Variants in COPG2 observed in about 807,000 individuals in gnomAD.
COPG2 encodes the protein coat protein complex I subunit gamma 2.
In COPG2, 37 loss-of-function variants were observed where a neutral mutation model predicts 46.3. The observed-to-expected ratio is 0.80, with a 90% CI of 0.61 to 1.05. The LOEUF is 1.05. Among genes scored for constraint, COPG2 ranks in the 50% least tolerant of loss-of-function variants. COPG2 has a pLI of 0.00. For synonymous variants in COPG2, 159 were observed against 129.7 expected, an observed-to-expected ratio of 1.23 and a Z score of -1.53; for missense variants, 427 against 387.8, an observed-to-expected ratio of 1.10 and a Z score of -0.85.
intron 9 of COPG2, among the ~76,000 whole-genome samples, chr7:130,601,719 C>T (rs1554450340): frequency 6.6e-6 from 1 of 152,012 alleles, no homozygotes; most frequent in Non-Finnish European, 1.5e-5. Context: ...ATGTAGATGA[C>T]AGGTTGATGG....
At chr7:130,507,422 A>T in intron 22 of COPG2, 50 bp from the exon 23 acceptor site, 1 of 778,392 alleles carries the variant, frequency 1.3e-6, no homozygotes, top group Admixed American at 1.7e-5. Flanking sequence ...AAGCACAGGG[A>T]TCTCCCTCTG....
intron 9 of COPG2, among the ~76,000 whole-genome samples, chr7:130,578,163 AC>A (rs1794050017): frequency 6.7e-6 from 1 of 150,020 alleles, no homozygotes; most frequent in Non-Finnish European, 1.5e-5. Context: ...GAACGGGCAG[AC>A]TGCCTCCTCA....
rs1554440028 is a variant in COPG2 at position 130,506,513 on chromosome 7, A to AAAGAT, written c.*158_*162dup. The AAAGAT allele has an allele frequency of 2.1e-6, 1 of 467,892 alleles. No homozygotes were observed. The highest frequency in any genetic ancestry group is 2.0e-5 in the African/African-American group (1 of 49,010). 29.0% of individuals were successfully genotyped at this position (467,892 alleles called of 1,614,324 possible). A position where few individuals can be genotyped will look rare whatever the true frequency, so the allele number is the denominator to read the frequency against. On this transcript the variant is annotated 3_prime_UTR_variant, in exon 24 of 24. Coordinates refer to ENST00000425248, the MANE Select transcript of COPG2 (RefSeq NM_012133.6). ...AAAAAAAAAAAAACAACCCATGCGC[A>AAAGAT]AAGATAGACATTTGCTTGATCTGCT...
chr7:130,652,612 CTTTTTAG>C (rs1554459266), intron 5 of COPG2, among the ~76,000 whole-genome samples: 2 of 152,178 alleles, frequency 1.3e-5, no homozygotes. Flanking sequence ...TTATCTTTTA[CTTTTTAG>C]TTTTATCCAT....
intron 5 of COPG2, among the ~76,000 whole-genome samples, chr7:130,651,894 C>T (rs1314334390): frequency 3.3e-5 from 5 of 152,098 alleles, no homozygotes; most frequent in African/African-American, 1.2e-4. Flanking sequence ...AGATGATCCA[C>T]CTGCGTCGGC....
chr7:130,575,488 CA>C (rs1180134049), intron 9 of COPG2, among the ~76,000 whole-genome samples: 76 of 152,240 alleles, frequency 5.0e-4, no homozygotes, highest in African/African-American at 1.8e-3. Flanking sequence ...CAGTCTTTTT[CA>C]GACAAACAAA....
At chr7:130,645,430 C>G (rs1037228851) in intron 5 of COPG2, 24 of 417,590 alleles carry the variant, frequency 5.7e-5, no homozygotes, top group African/African-American at 4.2e-4. Context: ...GGGTGGAGCC[C>G]ATGGGCGAAG....
intron 5 of COPG2, among the ~76,000 whole-genome samples, chr7:130,621,943 CAAAAAAAAAA>C (rs562107230): frequency 1.0e-4 from 7 of 67,540 alleles, no homozygotes; most frequent in Admixed American, 5.2e-4. Flanking sequence ...GACTCCATCT[CAAAAAAAAAA>C]AAAAAAAAAA....
intron 5 of COPG2, among the ~76,000 whole-genome samples, chr7:130,639,828 G>T (rs1230456374): frequency 1.3e-5 from 2 of 151,972 alleles, no homozygotes; most frequent in African/African-American, 2.4e-5. Flanking sequence ...CCTTTCCCAG[G>T]TCGTCAGCCA....
intron 3 of COPG2, 124 bp downstream of exon 3, chr7:130,666,725 G>A (rs1796085490): frequency 3.3e-6 from 2 of 604,962 alleles, no homozygotes; most frequent in East Asian, 3.1e-5. Context: ...TTAACCAAAC[G>A]TTGTATATGT....
At chr7:130,518,476 A>G (rs1453105996) in intron 20 of COPG2, among the ~76,000 whole-genome samples, 12 of 152,288 alleles carry the variant, frequency 7.9e-5, no homozygotes, top group Middle Eastern at 3.4e-3. Flanking sequence ...TGTATTTGGT[A>G]TGGAGCAGGT....
At chr7:130,666,227 C>CA (rs1796076835) in intron 3 of COPG2, among the ~76,000 whole-genome samples, 1 of 152,150 alleles carries the variant, frequency 6.6e-6, no homozygotes, top group Admixed American at 6.5e-5. Context: ...TATTAACAAT[C>CA]AAAGCTTTAA....
At chr7:130,626,583 C>T (rs1000001258) in intron 5 of COPG2, among the ~76,000 whole-genome samples, 4 of 151,972 alleles carry the variant, frequency 2.6e-5, no homozygotes, top group Non-Finnish European at 5.9e-5. Flanking sequence ...GAGAGCGCTC[C>T]TGAACGAAAT....
chr7:130,642,649 A>G (rs1268312880), intron 5 of COPG2, among the ~76,000 whole-genome samples: 1 of 152,180 alleles, frequency 6.6e-6, no homozygotes, highest in African/African-American at 2.4e-5. Flanking sequence ...TTCTTTGATG[A>G]GCATTTGGGA....
intron 20 of COPG2, among the ~76,000 whole-genome samples, chr7:130,525,983 C>T (rs962347479): frequency 4.6e-5 from 7 of 151,952 alleles, no homozygotes; most frequent in South Asian, 2.1e-4. Context: ...GAATGGGTAA[C>T]GAAAGGGTAG....
intron 20 of COPG2, among the ~76,000 whole-genome samples, chr7:130,532,543 G>A (rs1427861492): frequency 6.6e-6 from 1 of 152,114 alleles, no homozygotes; most frequent in Non-Finnish European, 1.5e-5. Context: ...GGTTGAGACT[G>A]GGTGCATTTG....
intron 4 of COPG2, among the ~76,000 whole-genome samples, chr7:130,655,390 T>C (rs1042774498): frequency 2.6e-5 from 4 of 152,330 alleles, no homozygotes; most frequent in South Asian, 2.1e-4. Flanking sequence ...TCTTATGCAA[T>C]AGAAGGTCTT....
chr7:130,508,873 C>T lies in COPG2; in HGVS notation c.2150-214G>A, dbSNP rs1331583383. ...AAAGTCTATTCCACGCTGTGGGTTA[C>T]AGCAGTACAGAAATGATAACATGGG... On this transcript the variant is annotated intron_variant, in intron 20 of 23. Transcript: ENST00000425248. 5.2e-6 allele frequency: 3 copies of T among 573,992 alleles called. No homozygotes were observed. In the South Asian group the frequency reaches 5.8e-5, roughly 11 times the overall value. The allele number at this position is 573,992 out of a possible 1,614,324, so 35.6% of individuals were successfully genotyped here. A position where few individuals can be genotyped will look rare whatever the true frequency, so the allele number is the denominator to read the frequency against.
intron 9 of COPG2, among the ~76,000 whole-genome samples, chr7:130,572,172 A>T (rs1220208216): frequency 3.3e-5 from 5 of 152,118 alleles, no homozygotes; most frequent in African/African-American, 1.2e-4. Flanking sequence ...GTACACCAAA[A>T]TCTCAGAAAT....
Sources: allele counts gnomAD v4.1 joint callset (sites outside exome capture counted in the v4.1 genomes callset), GRCh38; gene constraint gnomAD v4.1.1; transcripts MANE v1.5; gene names NCBI Gene and HGNC (gene_info 2026-07-23, HGNC 2026-07-21).